KHDRBS3: variants seen among roughly 807,000 people sequenced by gnomAD.
KHDRBS3 encodes KH domain-containing, RNA-binding, signal transduction-associated protein 3.
KHDRBS3 carries 23 observed loss-of-function variants against 45.6 expected under a neutral mutation model. The observed-to-expected ratio is 0.50, with a 90% CI of 0.36 to 0.72. The LOEUF (loss-of-function observed/expected upper bound fraction) is 0.72. Among genes scored for constraint, KHDRBS3 ranks in the 30% least tolerant of loss-of-function variants. The pLI, the probability that KHDRBS3 is intolerant of heterozygous loss-of-function variation, is 0.00. For synonymous variants in KHDRBS3, 162 were observed against 156.5 expected (o/e 1.04, Z -0.26); for missense variants, 352 against 424.8 (o/e 0.83, Z 1.51).
chr8:135,489,163 TCTGTCCAATGC>T (rs1823014136), intron 1 of KHDRBS3, among the ~76,000 whole-genome samples: 1 of 152,182 alleles, frequency 6.6e-6, no homozygotes, highest in Non-Finnish European at 1.5e-5. Flanking sequence ...TTTTGGTAAT[TCTGTCCAATGC>T]CTTCCCCAAC....
intron 5 of KHDRBS3, among the ~76,000 whole-genome samples, chr8:135,575,623 A>T (rs1470712775): frequency 6.6e-6 from 1 of 152,214 alleles, no homozygotes; most frequent in East Asian, 1.9e-4. Flanking sequence ...AGGCCACCAT[A>T]GCTGCAAGAA....
At chr8:135,575,228 C>CTGCGAA (rs1195421729) in intron 5 of KHDRBS3, among the ~76,000 whole-genome samples, 1 of 152,200 alleles carries the variant, frequency 6.6e-6, no homozygotes, top group Non-Finnish European at 1.5e-5. Context: ...TCAGGTTCAA[C>CTGCGAA]TGCGAATACC....
chr8:135,606,897 C>T, intron 6 of KHDRBS3, 58 bp from the exon 7 acceptor site: 2 of 1,334,354 alleles, frequency 1.5e-6, no homozygotes, highest in East Asian at 4.7e-5. Context: ...AAGCAGAATG[C>T]TTCTTTCTTT....
At chr8:135,640,526 G>A (rs1401126859) in intron 7 of KHDRBS3, among the ~76,000 whole-genome samples, 1 of 152,172 alleles carries the variant, frequency 6.6e-6, no homozygotes, top group African/African-American at 2.4e-5. Context: ...TATCAGGAGA[G>A]GGACAGAGGG....
At chr8:135,556,021 T>C (rs1351350835) in intron 4 of KHDRBS3, among the ~76,000 whole-genome samples, 3 of 152,190 alleles carry the variant, frequency 2.0e-5, no homozygotes, top group Non-Finnish European at 2.9e-5. Flanking sequence ...TTGCTGAGAA[T>C]GATGGTTTTC....
At chr8:135,477,139 A>G (rs1310699791) in intron 1 of KHDRBS3, among the ~76,000 whole-genome samples, 3 of 152,154 alleles carry the variant, frequency 2.0e-5, no homozygotes, top group Non-Finnish European at 4.4e-5. Flanking sequence ...GCAATAATGT[A>G]TATAGGTTAC....
intron 1 of KHDRBS3, among the ~76,000 whole-genome samples, chr8:135,494,246 G>A (rs572671266): frequency 2.8e-4 from 39 of 138,994 alleles, no homozygotes; most frequent in African/African-American, 1.0e-3. Flanking sequence ...GTATCTTCTC[G>A]TTATTTTTTC....
At chr8:135,503,244 C>G (rs1823822834) in intron 1 of KHDRBS3, among the ~76,000 whole-genome samples, 1 of 152,188 alleles carries the variant, frequency 6.6e-6, no homozygotes, top group Admixed American at 6.5e-5. Context: ...TCCAGAAGTA[C>G]ATTTTTCTGT....
intron 1 of KHDRBS3, among the ~76,000 whole-genome samples, chr8:135,480,223 C>T (rs1384272117): frequency 6.6e-6 from 1 of 152,068 alleles, no homozygotes; most frequent in African/African-American, 2.4e-5. Flanking sequence ...GTGAAAGGAT[C>T]AGGAACAAAG....
chr8:135,511,617 G>A (rs923726011), intron 1 of KHDRBS3, among the ~76,000 whole-genome samples: 7 of 151,984 alleles, frequency 4.6e-5, no homozygotes, highest in Admixed American at 2.0e-4. Flanking sequence ...GTGCAGTGGC[G>A]CGATCTCGGC....
At chr8:135,576,601 T>C (rs1827956204) in intron 5 of KHDRBS3, among the ~76,000 whole-genome samples, 1 of 152,152 alleles carries the variant, frequency 6.6e-6, no homozygotes, top group Non-Finnish European at 1.5e-5. Context: ...TTTAACACTT[T>C]CTTACTTTCT....
At chr8:135,633,694 T>G in intron 7 of KHDRBS3, among the ~76,000 whole-genome samples, 1 of 152,130 alleles carries the variant, frequency 6.6e-6, no homozygotes, top group East Asian at 1.9e-4. Flanking sequence ...GGAGATAAAT[T>G]TTCAGTTATG....
intron 1 of KHDRBS3, among the ~76,000 whole-genome samples, chr8:135,467,215 C>T (rs1013937720): frequency 1.3e-5 from 2 of 152,188 alleles, no homozygotes; most frequent in Non-Finnish European, 2.9e-5. Context: ...AGAATATATT[C>T]GTTGTATCTA....
At chr8:135,583,180 A>G (rs1828297923) in intron 6 of KHDRBS3, among the ~76,000 whole-genome samples, 3 of 152,096 alleles carry the variant, frequency 2.0e-5, no homozygotes, top group African/African-American at 7.2e-5. Context: ...TCTCCCACCT[A>G]GCTTGTGAAC....
Position 135,645,089 on chromosome 8 carries a change from A to C in KHDRBS3, c.921A>C (p.Gly307=). The change falls in exon 8 of 9, where the codon GGA becomes GGC. Residue 307 remains glycine (G), a synonymous_variant. Coordinates refer to ENST00000355849, the MANE Select transcript of KHDRBS3 (RefSeq NM_006558.3). ...CTGATTACTATGATTACGGACATGG[A>C]CTCAGTGAGGAGACTTATGATTCCT... is the stretch of plus-strand genomic sequence containing the variant. ...SGADYYDYGH[G]LSEETYDSYG... 1 of 1,613,352 alleles carries C rather than the reference A, an allele frequency of 6.2e-7. No homozygotes were observed. Among genetic ancestry groups the C allele is most frequent in the Non-Finnish European group, 8.5e-7 (1 of 1,179,812 alleles).
At chr8:135,480,122 A>G (rs1822489332) in intron 1 of KHDRBS3, among the ~76,000 whole-genome samples, 1 of 101,058 alleles carries the variant, frequency 9.9e-6, no homozygotes, top group Non-Finnish European at 2.4e-5. Flanking sequence ...CACTTTCATG[A>G]TAAAAAACAC....
intron 1 of KHDRBS3, among the ~76,000 whole-genome samples, chr8:135,509,280 A>G (rs1371091774): frequency 3.9e-5 from 6 of 152,176 alleles, no homozygotes; most frequent in Non-Finnish European, 8.8e-5. Flanking sequence ...GTAATTTGGT[A>G]TCTGGGGAAA....
chr8:135,646,403 T>A (rs1052168889), intron 8 of KHDRBS3, among the ~76,000 whole-genome samples: 1 of 152,198 alleles, frequency 6.6e-6, no homozygotes, highest in Non-Finnish European at 1.5e-5. Flanking sequence ...GTCGTTAAAT[T>A]CATTTCATAT....
intron 4 of KHDRBS3, among the ~76,000 whole-genome samples, 191 bp from the exon 5 acceptor site, chr8:135,557,257 C>G (rs1205411161): frequency 6.6e-6 from 1 of 152,102 alleles, no homozygotes; most frequent in Non-Finnish European, 1.5e-5. Flanking sequence ...GGAAAAAATG[C>G]TGTAGTTTTT....
Sources: allele counts gnomAD v4.1 joint callset (sites outside exome capture counted in the v4.1 genomes callset), GRCh38; gene constraint gnomAD v4.1.1; transcripts MANE v1.5; gene names NCBI Gene and HGNC (gene_info 2026-07-23, HGNC 2026-07-21).